The following WDFY4 variants were observed in gnomAD, a reference collection of about 807,000 sequenced individuals.
WDFY4 encodes the protein WDFY family member 4.
A neutral mutation model predicts 351.9 loss-of-function variants in WDFY4; 169 were observed. That is an observed-to-expected ratio of 0.48 (90% confidence interval 0.42 to 0.55). The LOEUF (loss-of-function observed/expected upper bound fraction) is 0.55, where lower values mean the gene tolerates loss of function less well. Among genes scored for constraint, WDFY4 ranks in the 20% least tolerant of loss-of-function variants. WDFY4 has a pLI of 0.00. For synonymous variants in WDFY4, 1,622 were observed against 1,574.6 expected, an observed-to-expected ratio of 1.03 and a Z score of -0.71; for missense variants, 3,803 against 3,935.6, an observed-to-expected ratio of 0.97 and a Z score of 0.90.
intron 47 of WDFY4, among the ~76,000 whole-genome samples, chr10:48,941,365 T>A (rs1330932903): frequency 6.6e-6 from 1 of 152,252 alleles, no homozygotes; most frequent in Non-Finnish European, 1.5e-5. Flanking sequence ...AACTGGTGAC[T>A]GTGGACCCTT....
intron 39 of WDFY4, among the ~76,000 whole-genome samples, chr10:48,855,556 AT>A (rs2069105266): frequency 6.6e-6 from 1 of 152,156 alleles, no homozygotes; most frequent in African/African-American, 2.4e-5. Flanking sequence ...CTTAAAAATC[AT>A]TAAGGACTCC....
intron 20 of WDFY4, among the ~76,000 whole-genome samples, chr10:48,787,594 T>C (rs2066445690): frequency 1.3e-5 from 2 of 152,234 alleles, no homozygotes; most frequent in Admixed American, 1.3e-4. Flanking sequence ...GTGCAGCTCA[T>C]TGAAAATTAG....
chr10:48,913,552 C>T (rs780920136), intron 47 of WDFY4: 2 of 1,614,136 alleles, frequency 1.2e-6, no homozygotes, highest in Non-Finnish European at 1.7e-6. Context: ...TCCTTCTCCT[C>T]CACAACATAC....
chr10:48,973,167 A>G (rs1418416614), intron 57 of WDFY4, among the ~76,000 whole-genome samples: 1 of 152,162 alleles, frequency 6.6e-6, no homozygotes, highest in East Asian at 1.9e-4. Flanking sequence ...TCCTCTCTAC[A>G]TCCTGAGCCT....
intron 12 of WDFY4, among the ~76,000 whole-genome samples, chr10:48,754,050 T>C (rs2065258323): frequency 6.6e-6 from 1 of 152,186 alleles, no homozygotes; most frequent in Admixed American, 6.5e-5. Context: ...TGTCTATTAA[T>C]GTGGTGTATT....
At chr10:48,863,819 G>A (rs563945196) in intron 39 of WDFY4, among the ~76,000 whole-genome samples, 55 of 152,272 alleles carry the variant, frequency 3.6e-4, no homozygotes, top group African/African-American at 1.3e-3. Flanking sequence ...TGGCTGGGGA[G>A]GCCTCAGGAA....
chr10:48,927,091 C>T (rs192736867), intron 47 of WDFY4, among the ~76,000 whole-genome samples: 4 of 152,146 alleles, frequency 2.6e-5, no homozygotes, highest in East Asian at 1.9e-4. Flanking sequence ...GTATCAGGGG[C>T]GGCTGTATGC....
At chr10:48,821,276 T>C in intron 34 of WDFY4, 100 bp downstream of exon 34, 1 of 932,412 alleles carries the variant, frequency 1.1e-6, no homozygotes, top group Non-Finnish European at 1.7e-6. Flanking sequence ...AGCTGTGGGA[T>C]GCTGCCTCCA....
At chr10:48,736,184 C>T (rs1441178330) in intron 11 of WDFY4, 114 bp downstream of exon 11, 1 of 1,231,998 alleles carries the variant, frequency 8.1e-7, no homozygotes, top group Admixed American at 2.0e-5. Context: ...ATGTGGCAGG[C>T]AGTACCCTGT....
chr10:48,982,723 T>G lies in WDFY4; in HGVS notation c.*148T>G. 1 of 761,944 alleles carries G rather than the reference T, an allele frequency of 1.3e-6. No individual in the cohort carries two copies. 47.2% of individuals were successfully genotyped at this position (761,944 alleles called of 1,614,324 possible). A position where few individuals can be genotyped will look rare whatever the true frequency, so the allele number is the denominator to read the frequency against. Reference sequence around the variant, plus strand: ...GAAGGGCCTCTGGCAATCACAGCTCTGCAGCCCAACCCTCTCCATGGCCGA... The same window carrying G: ...GAAGGGCCTCTGGCAATCACAGCTCGGCAGCCCAACCCTCTCCATGGCCGA... On this transcript the variant is annotated 3_prime_UTR_variant, in exon 62 of 62. Coordinates refer to ENST00000325239, the MANE Select transcript of WDFY4 (RefSeq NM_001394531.1).
intron 24 of WDFY4, among the ~76,000 whole-genome samples, chr10:48,800,734 T>TTTC (rs1565214032): frequency 5.5e-5 from 7 of 126,790 alleles, no homozygotes; most frequent in South Asian, 2.4e-4. Flanking sequence ...TTCTTTCTTT[T>TTTC]TTTTTTTTTT....
chr10:48,814,787 C>T (rs2067566215), intron 31 of WDFY4, among the ~76,000 whole-genome samples: 1 of 152,158 alleles, frequency 6.6e-6, no homozygotes, highest in African/African-American at 2.4e-5. Context: ...GTAAACAACA[C>T]CCACCTGACA....
rs906411196 is a variant in WDFY4, at chr10:48,806,875, A to C, written c.4738+780A>C. 2.0e-5 allele frequency among the ~76,000 whole-genome samples: 3 copies of C among 152,236 alleles called. No homozygotes were observed. The East Asian group carries it at 5.8e-4, about 29-fold the overall frequency. ...CCTCACTCACTGTAGCCACGTTTTAAGTGCTCACTAGCTACCTGAGGCTAG... is the reference window on the plus strand; with the variant it reads ...CCTCACTCACTGTAGCCACGTTTTACGTGCTCACTAGCTACCTGAGGCTAG... On this transcript the variant is annotated intron_variant, in intron 27 of 61. Coordinates refer to ENST00000325239, the MANE Select transcript of WDFY4 (RefSeq NM_001394531.1).
chr10:48,740,767 G>A (rs2132401696), intron 11 of WDFY4, among the ~76,000 whole-genome samples: 1 of 152,316 alleles, frequency 6.6e-6, no homozygotes, highest in Non-Finnish European at 1.5e-5. Context: ...ACACTTGACT[G>A]CCCCCTTTAG....
intron 13 of WDFY4, among the ~76,000 whole-genome samples, chr10:48,773,392 T>C (rs1033980892): frequency 5.9e-5 from 9 of 152,174 alleles, no homozygotes; most frequent in African/African-American, 9.7e-5. Context: ...CAAAAGAGAA[T>C]GTGGACAGTC....
chr10:48,687,700 C>T (rs2063089021), intron 1 of WDFY4, among the ~76,000 whole-genome samples: 1 of 150,758 alleles, frequency 6.6e-6, no homozygotes, highest in African/African-American at 2.4e-5. Context: ...CTGCAACCTC[C>T]ACCTCCCAGG....
Position 48,830,719 on chromosome 10 carries a change from G to T in WDFY4, c.6360G>T (p.Lys2120Asn). The T allele has an allele frequency of 6.4e-7, 1 of 1,551,588 alleles. No homozygotes were observed. The highest frequency in any genetic ancestry group is 8.7e-7 in the Non-Finnish European group (1 of 1,146,976). Residue 2120 changes from lysine to asparagine, a missense_variant, in exon 38 of 62, where the codon AAG (lysine) becomes AAT (asparagine). Physicochemically the swap from Lys to Asn is moderately conservative, Grantham distance 94. This residue lies in a region of WDFY4 where 3,054 missense variants were observed against 3,148.6 expected (regional missense o/e 0.97). Coordinates refer to ENST00000325239, the MANE Select transcript of WDFY4 (RefSeq NM_001394531.1). ...SLSDVQHNIQ[K>N]TVQTLWQQLV... is the part of the protein sequence containing the mutation. ...TGCTAGTCCAACACAACATCCAGAA[G>T]ACAGTGCAGACTCTCTGGCAGCAGC... is the stretch of plus-strand genomic sequence containing the variant.
chr10:48,838,520 G>A (rs1362842239), intron 39 of WDFY4, among the ~76,000 whole-genome samples: 1 of 152,108 alleles, frequency 6.6e-6, no homozygotes, highest in Non-Finnish European at 1.5e-5. Flanking sequence ...TGAGGGAAAT[G>A]ATGTTTTTGA....
chr10:48,801,938 C>A (rs528938642), intron 24 of WDFY4, among the ~76,000 whole-genome samples: 8 of 152,102 alleles, frequency 5.3e-5, no homozygotes, highest in Admixed American at 5.2e-4. Context: ...AGGTGATACC[C>A]ATGGGTACCC....
Sources: gnomAD v4.1 joint callset for allele counts (sites outside exome capture counted in the v4.1 genomes callset) on GRCh38, gnomAD v4.1.1 for gene constraint, gnomAD v4.1.1 regional missense constraint, MANE v1.5 for transcripts, NCBI Gene and HGNC (gene_info 2026-07-23, HGNC 2026-07-21) for gene names.